The following PTPRO variants were observed in gnomAD, a reference collection of about 807,000 sequenced individuals.
PTPRO encodes the protein receptor-type tyrosine-protein phosphatase O.
PTPRO carries 62 observed loss-of-function variants against 145.2 expected under a neutral mutation model. The ratio of observed to expected loss-of-function variants is 0.43; its 90% CI spans 0.35 to 0.53. PTPRO has a LOEUF of 0.53. PTPRO is among the 20% of genes least tolerant of loss of function. The pLI is 0.01. For missense variants in PTPRO, 1,345 were observed against 1,482.7 expected (o/e 0.91, Z 1.53); for synonymous variants, 565 against 514.7 (o/e 1.10, Z -1.32).
At chr12:15,520,392 G>T in intron 10 of PTPRO, 80 bp downstream of exon 10, 1 of 1,039,152 alleles carries the variant, frequency 9.6e-7, no homozygotes, top group Non-Finnish European at 1.5e-6. Flanking sequence ...TCTCTAGAAA[G>T]TGCCAGTCAT....
chr12:15,482,332 A>ACTTG (rs750569470), intron 1 of PTPRO, among the ~76,000 whole-genome samples: 5 of 152,112 alleles, frequency 3.3e-5, no homozygotes, highest in African/African-American at 7.2e-5. Context: ...GCTAAAAAAA[A>ACTTG]CTTGCAAGTT....
chr12:15,519,105 C>T (rs972750372), intron 9 of PTPRO, among the ~76,000 whole-genome samples: 4 of 152,244 alleles, frequency 2.6e-5, no homozygotes, highest in Admixed American at 2.0e-4. Flanking sequence ...TACAGTTCCA[C>T]GTGGCTGGGG....
In PTPRO at chr12:15,383,638, A is replaced by C. The variant is rs1164005892; in HGVS notation, c.75+60837A>C. On this transcript the variant is annotated intron_variant, in intron 1 of 26. Transcript: ENST00000281171. Reference sequence around the variant, plus strand: ...AACATGTTAGGGGCACAGAAGCTACAGGCAAAGACATAAATCAACATATGC... The same window carrying C: ...AACATGTTAGGGGCACAGAAGCTACCGGCAAAGACATAAATCAACATATGC... Among the ~76,000 whole-genome samples, 7 of 152,232 alleles carry C rather than the reference A, an allele frequency of 4.6e-5. No homozygotes were observed. In the East Asian group the frequency reaches 1.3e-3, roughly 29 times the overall value.
intron 1 of PTPRO, among the ~76,000 whole-genome samples, chr12:15,425,567 T>A (rs1940262040): frequency 6.6e-6 from 1 of 152,176 alleles, no homozygotes; most frequent in African/African-American, 2.4e-5. Context: ...CTAGACATTC[T>A]TATAATTTTA....
intron 2 of PTPRO, 43 bp downstream of exon 2, chr12:15,484,290 C>A: frequency 1.2e-6 from 2 of 1,608,506 alleles, no homozygotes; most frequent in South Asian, 2.2e-5. Context: ...TCTTATTGTT[C>A]CCCTGTTTCT....
intron 12 of PTPRO, among the ~76,000 whole-genome samples, chr12:15,537,887 G>A (rs1044709988): frequency 1.3e-5 from 2 of 152,144 alleles, no homozygotes; most frequent in Non-Finnish European, 2.9e-5. Context: ...CAAACAGACA[G>A]TATGGGCATT....
chr12:15,448,267 G>A (rs1940952600), intron 1 of PTPRO, among the ~76,000 whole-genome samples: 1 of 133,098 alleles, frequency 7.5e-6, no homozygotes, highest in Admixed American at 8.9e-5. Flanking sequence ...TTTCCCTATG[G>A]AATCTTATTC....
At chr12:15,544,053 A>G (rs1056710019) in intron 12 of PTPRO, among the ~76,000 whole-genome samples, 2 of 152,230 alleles carry the variant, frequency 1.3e-5, no homozygotes, top group South Asian at 2.1e-4. Context: ...AGGATTTAAC[A>G]TGAGTGAAAT....
chr12:15,508,993 C>T (rs751942115), intron 7 of PTPRO, among the ~76,000 whole-genome samples: 16 of 152,168 alleles, frequency 1.1e-4, no homozygotes, highest in Non-Finnish European at 2.2e-4. Flanking sequence ...CTTTTTCATT[C>T]ATTATTCAAG....
At chr12:15,441,020 A>C (rs1464307252) in intron 1 of PTPRO, among the ~76,000 whole-genome samples, 1 of 152,184 alleles carries the variant, frequency 6.6e-6, no homozygotes. Flanking sequence ...AGACCTAATG[A>C]AGGTCTAGAA....
chr12:15,538,241 T>TC (rs1555174597), intron 12 of PTPRO, among the ~76,000 whole-genome samples: 2 of 149,926 alleles, frequency 1.3e-5, no homozygotes, highest in Non-Finnish European at 3.0e-5. Context: ...TAGTGCTTCT[T>TC]TTTTTTTTTG....
intron 1 of PTPRO, among the ~76,000 whole-genome samples, chr12:15,455,379 T>C (rs1371543329): frequency 2.6e-5 from 4 of 151,740 alleles, no homozygotes; most frequent in Admixed American, 2.6e-4. Context: ...TTTTTCTCAA[T>C]GGTATAACAT....
At chr12:15,576,916 T>C (rs897881593) in intron 19 of PTPRO, among the ~76,000 whole-genome samples, 1 of 152,132 alleles carries the variant, frequency 6.6e-6, no homozygotes, top group Admixed American at 6.6e-5. Context: ...CTGAAATAAT[T>C]TAAGCAATGG....
intron 1 of PTPRO, among the ~76,000 whole-genome samples, chr12:15,438,008 T>C (rs1940648265): frequency 1.3e-5 from 2 of 152,218 alleles, no homozygotes; most frequent in Admixed American, 6.5e-5. Context: ...ACCAGCCACT[T>C]TGACCACAGC....
intron 1 of PTPRO, among the ~76,000 whole-genome samples, chr12:15,435,759 T>C (rs1940578364): frequency 6.6e-6 from 1 of 152,172 alleles, no homozygotes; most frequent in Non-Finnish European, 1.5e-5. Context: ...GAAATGATTG[T>C]TCAGTACCAT....
At chr12:15,501,230 A>G (rs552619711) in intron 4 of PTPRO, among the ~76,000 whole-genome samples, 28 of 152,138 alleles carry the variant, frequency 1.8e-4, no homozygotes, top group Middle Eastern at 3.4e-3. Context: ...TAAGTACACT[A>G]TACTTGTTTT....
intron 5 of PTPRO, among the ~76,000 whole-genome samples, chr12:15,502,599 G>A (rs1942244629): frequency 6.6e-6 from 1 of 152,166 alleles, no homozygotes; most frequent in African/African-American, 2.4e-5. Context: ...GAAGCTGATA[G>A]TAAAATGGAA....
intron 26 of PTPRO, chr12:15,595,860 A>G (rs1944649367): frequency 6.6e-6 from 1 of 152,356 alleles, no homozygotes; most frequent in African/African-American, 2.4e-5. Flanking sequence ...GACAGAGCGC[A>G]CAATGGAGCA....
At chr12:15,499,162 C>T (rs1283943165) in intron 3 of PTPRO, among the ~76,000 whole-genome samples, 1 of 152,108 alleles carries the variant, frequency 6.6e-6, no homozygotes, top group East Asian at 1.9e-4. Context: ...TATATTATCT[C>T]CTTCAATTAA....
Sources: allele counts gnomAD v4.1 joint callset (sites outside exome capture counted in the v4.1 genomes callset), GRCh38; gene constraint gnomAD v4.1.1; transcripts MANE v1.5; gene names NCBI Gene and HGNC (gene_info 2026-07-23, HGNC 2026-07-21).